The following MAPK3 variants were observed in gnomAD, a reference collection of about 807,000 sequenced individuals.
The protein encoded by MAPK3 is mitogen-activated protein kinase 3, also known as MAPK 1.
Under a neutral mutation model 41.8 loss-of-function variants are expected in MAPK3, and 30 were observed. The ratio of observed to expected loss-of-function variants is 0.72; its 90% CI spans 0.54 to 0.97. MAPK3 has a LOEUF of 0.97. Ranked by LOEUF, MAPK3 falls within the 50% of genes least tolerant of loss-of-function variation. The probability of loss-of-function intolerance (pLI) is 0.00; values close to 1 mark genes in which losing one functional copy is unlikely to be tolerated. For synonymous variants in MAPK3, 222 were observed against 213.4 expected (o/e 1.04, Z -0.35); for missense variants, 413 against 509.9 (o/e 0.81, Z 1.83).
At chr16:30,115,241 AG>A (rs2072943883) in intron 8 of MAPK3, among the ~76,000 whole-genome samples, 2 of 152,278 alleles carry the variant, frequency 1.3e-5, no homozygotes, top group Admixed American at 1.3e-4. Flanking sequence ...CCAAAAAAAA[AG>A]ATAAATAGAT....
At chr16:30,117,327 T>C (rs111683950) in intron 5 of MAPK3, 42 bp from the exon 6 acceptor site, 1 of 1,607,662 alleles carries the variant, frequency 6.2e-7, no homozygotes, top group South Asian at 1.1e-5. Context: ...CACCTCTTTC[T>C]TTCTGGGAAC....
intron 8 of MAPK3, among the ~76,000 whole-genome samples, chr16:30,115,388 G>A (rs1029556698): frequency 6.6e-5 from 10 of 152,232 alleles, no homozygotes. Context: ...GCTGAAGACA[G>A]GAAGAGACCG....
chr16:30,119,939 T>A (rs2072998536), intron 2 of MAPK3, among the ~76,000 whole-genome samples: 1 of 151,974 alleles, frequency 6.6e-6, no homozygotes, highest in Non-Finnish European at 1.5e-5. Flanking sequence ...GAGGCCAAGG[T>A]GGGTTGATGA....
intron 8 of MAPK3, among the ~76,000 whole-genome samples, chr16:30,116,275 G>A (rs2072953321): frequency 6.6e-6 from 1 of 152,058 alleles, no homozygotes; most frequent in Non-Finnish European, 1.5e-5. Context: ...CTGACCTCAG[G>A]TGATCCACTT....
intron 8 of MAPK3, among the ~76,000 whole-genome samples, chr16:30,115,365 C>G (rs543771968): frequency 1.8e-4 from 27 of 152,228 alleles, no homozygotes; most frequent in Non-Finnish European, 3.2e-4. Flanking sequence ...TTCTTTCTAT[C>G]AGGCCACACC....
In MAPK3 at chr16:30,118,031, G is replaced by A; in HGVS notation, c.660+16C>T. The A allele has an allele frequency of 6.2e-7, 1 of 1,607,540 alleles. No homozygotes were observed. The highest frequency in any genetic ancestry group is 8.5e-7 in the Non-Finnish European group (1 of 1,174,184). ...GAACTGGTCCGTTCCTTTCAGGAGT[G>A]GGCAGCCCCTCCTACCTTGGAGTTC... On this transcript the variant is annotated intron_variant, in intron 4 of 8. Transcript: ENST00000263025.
Position 30,121,714 on chromosome 16 carries a change from G to C in MAPK3, c.353+110C>G, listed in dbSNP as rs943360863. Reference sequence around the variant, plus strand: ...CTCTGCAGGAAAGTTTATTTTACTGGGTTTGTTTTGGAGGGTGGTGGGTAA... The same window carrying C: ...CTCTGCAGGAAAGTTTATTTTACTGCGTTTGTTTTGGAGGGTGGTGGGTAA... On this transcript the variant is annotated intron_variant, in intron 2 of 8. Coordinates refer to ENST00000263025, the MANE Select transcript of MAPK3 (RefSeq NM_002746.3). 10 of 1,148,826 alleles carry C rather than the reference G, an allele frequency of 8.7e-6. No individual in the cohort carries two copies. In the African/African-American group the frequency reaches 1.1e-4, roughly 12 times the overall value. 71.2% of individuals were successfully genotyped at this position (1,148,826 alleles called of 1,614,324 possible).
intron 2 of MAPK3, among the ~76,000 whole-genome samples, chr16:30,120,168 AAAAAC>A (rs1336766667): frequency 6.6e-6 from 1 of 152,160 alleles, no homozygotes; most frequent in Admixed American, 6.6e-5. Context: ...GACTCCATCT[AAAAAC>A]AAACAAACAA....
chr16:30,117,575 C>T, intron 5 of MAPK3, 95 bp downstream of exon 5: 1 of 943,342 alleles, frequency 1.1e-6, no homozygotes, highest in Non-Finnish European at 1.7e-6. Flanking sequence ...GCTGGAGGCA[C>T]CCCACACGTG....
intron 2 of MAPK3, among the ~76,000 whole-genome samples, chr16:30,118,952 G>A (rs1275583391): frequency 6.6e-6 from 1 of 151,938 alleles, no homozygotes; most frequent in Non-Finnish European, 1.5e-5. Flanking sequence ...CACCAGCCTG[G>A]GCAACATGGC....
At chr16:30,122,578 GTGGGGCCAAAGC>G (rs2073027496) in intron 1 of MAPK3, 2 of 173,104 alleles carry the variant, frequency 1.2e-5, no homozygotes. Context: ...CCCTGGGGTG[GTGGGGCCAAAGC>G]CCTGCCCCAC....
Position 30,116,639 on chromosome 16 carries a change from G to A in MAPK3, c.*29C>T, listed in dbSNP as rs1327159066. 1 of 1,611,050 alleles carries A rather than the reference G, an allele frequency of 6.2e-7. No homozygotes were observed. Among genetic ancestry groups the A allele is most frequent in the East Asian group, 2.2e-5 (1 of 44,864 alleles). On this transcript the variant is annotated 3_prime_UTR_variant, in exon 8 of 9. Coordinates refer to ENST00000263025, the MANE Select transcript of MAPK3 (RefSeq NM_002746.3). The stretch of plus-strand genomic sequence containing the variant: ...TGTGGGCCATGGAGACACTCACCAG[G>A]CCCCAGGGTGCAGAGATGTCTGTCT...
chr16:30,117,531 A>T (rs1308948827), intron 5 of MAPK3, 139 bp downstream of exon 5: 8 of 754,372 alleles, frequency 1.1e-5, no homozygotes, highest in African/African-American at 6.9e-5. Context: ...TCCAATGGGG[A>T]TAATATCTAT....
chr16:30,115,387 AG>A (rs1433321875), intron 8 of MAPK3, among the ~76,000 whole-genome samples: 1 of 152,218 alleles, frequency 6.6e-6, no homozygotes, highest in Non-Finnish European at 1.5e-5. Flanking sequence ...GGCTGAAGAC[AG>A]GAAGAGACCG....
chr16:30,117,072 G>A, intron 6 of MAPK3, 69 bp from the exon 7 acceptor site: 2 of 1,598,602 alleles, frequency 1.3e-6, no homozygotes, highest in Non-Finnish European at 8.6e-7. Flanking sequence ...TGCTTTGCCT[G>A]TCTCCTCCAG....
At chr16:30,119,097 G>A (rs926064453) in intron 2 of MAPK3, among the ~76,000 whole-genome samples, 1 of 151,388 alleles carries the variant, frequency 6.6e-6, no homozygotes, top group Non-Finnish European at 1.5e-5. Flanking sequence ...AGCCAAGATT[G>A]TGTCACTGCA....
chr16:30,120,625 G>A (rs545597565), intron 2 of MAPK3, among the ~76,000 whole-genome samples: 1 of 152,038 alleles, frequency 6.6e-6, no homozygotes, highest in Admixed American at 6.5e-5. Flanking sequence ...GGGAGGAGAG[G>A]AGGAGACAGC....
chr16:30,120,738 C>CAGT (rs1567356719), intron 2 of MAPK3, among the ~76,000 whole-genome samples: 1 of 144,456 alleles, frequency 6.9e-6, no homozygotes, highest in Non-Finnish European at 1.5e-5. Flanking sequence ...GGCTAGAGTG[C>CAGT]AGTAGCACAA....
At position 30,118,363 on chromosome 16, in the gene MAPK3, T is replaced by C. The variant is rs2072980852; in HGVS notation, c.529A>G (p.Thr177Ala). 2 of 1,611,344 alleles carry C rather than the reference T, an allele frequency of 1.2e-6. No homozygotes were observed. Among genetic ancestry groups the C allele is most frequent in the Non-Finnish European group, 8.5e-7 (1 of 1,178,504 alleles). The change falls in exon 3 of 9, where the codon ACC becomes GCC. Residue 177 changes from threonine (T) to alanine (A), a missense_variant. Transcript: ENST00000263025. ...LKPSNLLINT[T>A]CDLKICDFGL... ...AACCCTCTGACCTTAAGGTCGCAGG[T>C]GGTGTTGATGAGCAGGTTGGAGGGC...
Sources: allele counts gnomAD v4.1 joint callset (sites outside exome capture counted in the v4.1 genomes callset), GRCh38; gene constraint gnomAD v4.1.1; transcripts MANE v1.5; gene names NCBI Gene and HGNC (gene_info 2026-07-23, HGNC 2026-07-21).